NPAS3: variants seen among roughly 807,000 people sequenced by gnomAD.
NPAS3 encodes neuronal PAS domain protein 3.
A neutral mutation model predicts 73.1 loss-of-function variants in NPAS3; 14 were observed. The ratio of observed to expected loss-of-function variants is 0.19; its 90% CI spans 0.13 to 0.30. The LOEUF (loss-of-function observed/expected upper bound fraction) is 0.30, where lower values mean the gene tolerates loss of function less well. Among genes scored for constraint, NPAS3 ranks in the 10% least tolerant of loss-of-function variants. The pLI is 1.00. For synonymous variants in NPAS3, 620 were observed against 541.5 expected, an observed-to-expected ratio of 1.14 and a Z score of -2.01; for missense variants, 1,096 against 1,250.0, an observed-to-expected ratio of 0.88 and a Z score of 1.86.
At chr14:33,501,240 CAG>C in intron 4 of NPAS3, among the ~76,000 whole-genome samples, 1 of 151,812 alleles carries the variant, frequency 6.6e-6, no homozygotes, top group East Asian at 1.9e-4. Flanking sequence ...AAAAGTAAAA[CAG>C]AGTATATCTG....
At chr14:33,169,430 T>C (rs901526993) in intron 2 of NPAS3, among the ~76,000 whole-genome samples, 1 of 151,884 alleles carries the variant, frequency 6.6e-6, no homozygotes, top group Non-Finnish European at 1.5e-5. Context: ...TAGCTGGGAG[T>C]GGTGGTGGGC....
At chr14:33,713,013 C>T (rs777514858) in intron 6 of NPAS3, among the ~76,000 whole-genome samples, 2 of 152,128 alleles carry the variant, frequency 1.3e-5, no homozygotes, top group Non-Finnish European at 2.9e-5. Flanking sequence ...TCTTACTCCT[C>T]CCAATTATCC....
intron 4 of NPAS3, among the ~76,000 whole-genome samples, chr14:33,427,628 T>A (rs1430585427): frequency 6.6e-6 from 1 of 151,862 alleles, no homozygotes; most frequent in Non-Finnish European, 1.5e-5. Flanking sequence ...TGAATCTGAT[T>A]CTAACAGTGA....
chr14:33,774,495 A>G, exon 8 of NPAS3: 1 of 1,614,210 alleles, frequency 6.2e-7, no homozygotes, highest in South Asian at 1.1e-5. Flanking sequence ...TCACTCGAGT[A>G]AATATGGACC....
chr14:33,289,682 C>A (rs962476045), intron 3 of NPAS3, among the ~76,000 whole-genome samples: 2 of 151,912 alleles, frequency 1.3e-5, no homozygotes, highest in Non-Finnish European at 2.9e-5. Flanking sequence ...ATTAGCCGGG[C>A]ATGATGGGGC....
intron 3 of NPAS3, among the ~76,000 whole-genome samples, chr14:33,354,141 T>A (rs1192103600): frequency 6.6e-6 from 1 of 152,194 alleles, no homozygotes; most frequent in Non-Finnish European, 1.5e-5. Flanking sequence ...TTGCCGCTGC[T>A]TCTCAGGGTA....
At chr14:33,139,664 C>T (rs766910960) in intron 2 of NPAS3, among the ~76,000 whole-genome samples, 19 of 152,256 alleles carry the variant, frequency 1.2e-4, no homozygotes, top group Non-Finnish European at 2.6e-4. Flanking sequence ...CTGCACAGTC[C>T]AGAATGGTAG....
At chr14:33,164,548 A>C (rs1375216360) in intron 2 of NPAS3, among the ~76,000 whole-genome samples, 1 of 152,150 alleles carries the variant, frequency 6.6e-6, no homozygotes, top group Non-Finnish European at 1.5e-5. Context: ...TTAAAAAAAA[A>C]CCACAGAGAT....
At chr14:33,129,027 T>C (rs944446702) in intron 2 of NPAS3, among the ~76,000 whole-genome samples, 2 of 152,094 alleles carry the variant, frequency 1.3e-5, no homozygotes, top group African/African-American at 4.8e-5. Flanking sequence ...CAGGATTTTT[T>C]TCCAGGTTTT....
intron 4 of NPAS3, among the ~76,000 whole-genome samples, chr14:33,454,645 G>C (rs2049944740): frequency 6.6e-6 from 1 of 152,168 alleles, no homozygotes; most frequent in South Asian, 2.1e-4. Context: ...TAAAATCATG[G>C]TATTTGAGAG....
chr14:33,200,110 G>A (rs2139581991), intron 2 of NPAS3, among the ~76,000 whole-genome samples: 1 of 151,874 alleles, frequency 6.6e-6, no homozygotes, highest in South Asian at 2.1e-4. Context: ...TGAACTTTTG[G>A]TTGTGATTAA....
At chr14:33,554,827 G>A (rs2055281462) in intron 4 of NPAS3, among the ~76,000 whole-genome samples, 1 of 152,194 alleles carries the variant, frequency 6.6e-6, no homozygotes, top group African/African-American at 2.4e-5. Flanking sequence ...AATCCATTTA[G>A]CACAATGCAT....
chr14:33,029,662 C>T (rs975628355), intron 1 of NPAS3, among the ~76,000 whole-genome samples: 2 of 152,194 alleles, frequency 1.3e-5, no homozygotes, highest in East Asian at 3.8e-4. Context: ...CTGAGGACCA[C>T]CAAACCTGGT....
At chr14:33,010,770 A>G (rs1418885112) in intron 1 of NPAS3, among the ~76,000 whole-genome samples, 2 of 151,648 alleles carry the variant, frequency 1.3e-5, no homozygotes, top group South Asian at 4.2e-4. Context: ...CTGGGCAAAA[A>G]TAAATAAATA....
chr14:33,602,168 T>C (rs895280838), intron 5 of NPAS3, among the ~76,000 whole-genome samples: 10 of 152,048 alleles, frequency 6.6e-5, no homozygotes, highest in African/African-American at 2.2e-4. Context: ...TTGCAGAGGG[T>C]TGCCCCTAAG....
chr14:33,377,907 C>T (rs1230373336), intron 4 of NPAS3, among the ~76,000 whole-genome samples: 1 of 152,170 alleles, frequency 6.6e-6, no homozygotes, highest in Non-Finnish European at 1.5e-5. Flanking sequence ...TCAGGGACTG[C>T]AGAAAATACT....
intron 2 of NPAS3, among the ~76,000 whole-genome samples, chr14:33,094,228 G>A (rs1261792867): frequency 6.6e-6 from 1 of 151,806 alleles, no homozygotes; most frequent in Non-Finnish European, 1.5e-5. Context: ...TTACAACTAA[G>A]GTTAAATATT....
At chr14:33,314,560 G>T (rs2043133051) in intron 3 of NPAS3, among the ~76,000 whole-genome samples, 1 of 151,962 alleles carries the variant, frequency 6.6e-6, no homozygotes, top group African/African-American at 2.4e-5. Flanking sequence ...CTTTTCAGTT[G>T]GCCTCTGAAT....
chr14:33,102,962 G>A (rs972367694), intron 2 of NPAS3, among the ~76,000 whole-genome samples: 4 of 152,170 alleles, frequency 2.6e-5, no homozygotes, highest in Non-Finnish European at 5.9e-5. Context: ...TTACAGTATA[G>A]CAGTCTGCAG....
Sources: allele counts gnomAD v4.1 joint callset (sites outside exome capture counted in the v4.1 genomes callset), GRCh38; gene constraint gnomAD v4.1.1; transcripts MANE v1.5; gene names NCBI Gene and HGNC (gene_info 2026-07-23, HGNC 2026-07-21).